Variants in CAMSAP1 observed in about 807,000 individuals in gnomAD.
CAMSAP1 encodes the protein calmodulin-regulated spectrin-associated protein 1.
Under a neutral mutation model 143.5 loss-of-function variants are expected in CAMSAP1, and 58 were observed. That is an observed-to-expected ratio of 0.40 (90% CI 0.33 to 0.50). CAMSAP1 has a LOEUF of 0.50. Among genes scored for constraint, CAMSAP1 ranks in the 20% least tolerant of loss-of-function variants. The pLI is 0.45. For missense variants in CAMSAP1, 1,969 were observed against 2,115.7 expected, an observed-to-expected ratio of 0.93 and a Z score of 1.36; for synonymous variants, 945 against 859.3, an observed-to-expected ratio of 1.10 and a Z score of -1.74.
intron 1 of CAMSAP1, among the ~76,000 whole-genome samples, chr9:135,893,654 G>A (rs980226342): frequency 1.3e-5 from 2 of 152,162 alleles, no homozygotes. Context: ...TATAATGGAT[G>A]AGAATCTTCC....
chr9:135,818,553 C>T lies in CAMSAP1; in HGVS notation c.4023G>A (p.Lys1341=), dbSNP rs1835326995. 6.2e-7 allele frequency: 1 copy of T among 1,613,120 alleles called. No individual in the cohort carries two copies. Among genetic ancestry groups the T allele is most frequent in the African/African-American group, 1.3e-5 (1 of 74,946 alleles). Residue 1341 remains lysine, a synonymous_variant, in exon 13 of 17, where the codon AAG becomes AAA. Transcript: ENST00000389532. This position sits in a 1 kb window ranked among gnomAD's most constrained non-coding sequence, Gnocchi z 7.7. ...EEEKARRELI[K]QEYLRRKQQQ... ...GCTGCTTCCTCCGCAGGTACTCCTG[C>T]TTGATGAGCTCGCGCCGCGCCTTCT...
chr9:135,876,676 C>T (rs1205929780), intron 3 of CAMSAP1, among the ~76,000 whole-genome samples: 1 of 152,176 alleles, frequency 6.6e-6, no homozygotes, highest in Admixed American at 6.5e-5. Flanking sequence ...ATACTTATCA[C>T]ATGACCCAGA....
At chr9:135,865,240 A>T in intron 4 of CAMSAP1, 1 of 1,253,404 alleles carries the variant, frequency 8.0e-7, no homozygotes. Context: ...CAACAAAAAA[A>T]CAGTTTTGGG....
chr9:135,878,207 G>A (rs560246605), intron 3 of CAMSAP1, among the ~76,000 whole-genome samples: 1 of 152,332 alleles, frequency 6.6e-6, no homozygotes, highest in Admixed American at 6.5e-5. Flanking sequence ...CGGGTGAGCG[G>A]CCTGGAGCAG....
Position 135,826,275 on chromosome 9 carries a change from A to G in CAMSAP1, c.1223+1132T>C, listed in dbSNP as rs10776851. On this transcript the variant is annotated intron_variant, in intron 8 of 16. Coordinates refer to ENST00000389532, the MANE Select transcript of CAMSAP1 (RefSeq NM_015447.4). This position sits in a 1 kb window ranked among gnomAD's most constrained non-coding sequence, Gnocchi z 4.4. ...GACGCCAAGTGTCCACGCTGGCCCC[A>G]TGTGAGGGACGGCTCAGCCTCGAGC... The G allele has an allele frequency of 0.89, 135,184 of 152,262 alleles. 60,067 individuals are homozygous for G. The highest frequency in any genetic ancestry group is 0.98 in the East Asian group (5,061 of 5,166). The allele number at this position is 152,262 out of a possible 1,614,324, so 9.4% of individuals were successfully genotyped here. A position where few individuals can be genotyped will look rare whatever the true frequency, so the allele number is the denominator to read the frequency against.
intron 4 of CAMSAP1, among the ~76,000 whole-genome samples, chr9:135,864,530 T>C (rs1837306902): frequency 6.6e-6 from 1 of 152,064 alleles, no homozygotes; most frequent in African/African-American, 2.4e-5. Context: ...GGAGTATGCA[T>C]AAAGCCCTCT....
chr9:135,848,958 G>C (rs1439935044), intron 7 of CAMSAP1, among the ~76,000 whole-genome samples: 1 of 152,246 alleles, frequency 6.6e-6, no homozygotes, highest in African/African-American at 2.4e-5. Context: ...CTCGCCAGCA[G>C]TGGTGAAAGG....
intron 5 of CAMSAP1, among the ~76,000 whole-genome samples, chr9:135,858,438 G>A (rs1227842416): frequency 6.6e-6 from 1 of 152,032 alleles, no homozygotes; most frequent in Non-Finnish European, 1.5e-5. Flanking sequence ...AGCAAAACAG[G>A]TAAAACCCTG....
Position 135,821,407 on chromosome 9 carries a change from G to C in CAMSAP1, c.3254C>G (p.Ala1085Gly), listed in dbSNP as rs1835453972. Reference protein sequence around the residue: ...FVEPLSPTGVAGHRKAPRLGQ... With the variant: ...FVEPLSPTGVGGHRKAPRLGQ... ...CAGCCGGGGGGCTTTGCGGTGGCCA[G>C]CCACGCCCGTGGGAGAGAGTGGCTC... Residue 1085 changes from alanine (A) to glycine (G), a missense_variant, in exon 11 of 17, where the codon GCT (alanine) becomes GGT (glycine). Around this residue, in one of 4 missense-constraint regions of CAMSAP1, gnomAD observed 1,390 missense variants for 1,420.8 expected, o/e 0.98. Transcript: ENST00000389532. This position sits in a 1 kb window ranked among gnomAD's most constrained non-coding sequence, Gnocchi z 4.6. 1.2e-6 allele frequency: 2 copies of C among 1,613,858 alleles called. No homozygotes were observed. The highest frequency in any genetic ancestry group is 2.7e-5 in the African/African-American group (2 of 74,956).
intron 5 of CAMSAP1, among the ~76,000 whole-genome samples, chr9:135,854,727 TAC>T (rs1362287495): frequency 1.3e-5 from 2 of 152,310 alleles, no homozygotes; most frequent in Middle Eastern, 3.4e-3. Context: ...GTGCTAGAAT[TAC>T]AGGCATGAGC....
intron 5 of CAMSAP1, among the ~76,000 whole-genome samples, chr9:135,855,894 T>C (rs993475264): frequency 4.7e-5 from 7 of 148,202 alleles, no homozygotes; most frequent in Admixed American, 4.0e-4. Context: ...CTACTAAAAA[T>C]ACAAAAAATT....
chr9:135,825,516 C>G (rs1835641296), intron 8 of CAMSAP1, among the ~76,000 whole-genome samples: 1 of 152,178 alleles, frequency 6.6e-6, no homozygotes, highest in Non-Finnish European at 1.5e-5. Context: ...CACACAGAAG[C>G]ATGGGTGTGA....
intron 7 of CAMSAP1, among the ~76,000 whole-genome samples, chr9:135,829,528 GA>G (rs1345995931): frequency 6.6e-6 from 1 of 151,360 alleles, no homozygotes; most frequent in Non-Finnish European, 1.5e-5. Context: ...TCTCAAAGAA[GA>G]AAAAAAGGTA....
chr9:135,836,336 C>A, intron 7 of CAMSAP1: 9 of 985,152 alleles, frequency 9.1e-6, no homozygotes, highest in Non-Finnish European at 1.1e-5. Context: ...GCGCCTTCTA[C>A]CCATTCCGCA....
chr9:135,822,367 A>G lies in CAMSAP1; in HGVS notation c.2294T>C (p.Ile765Thr), dbSNP rs771017985. ...EAHPVVFSRY[I>T]GEEESAKLQE... ...CAGTTTGGCCGACTCTTCCTCCCCA[A>G]TGTATCTGCTGAAAACCACAGGATG... is the stretch of plus-strand genomic sequence containing the variant. Residue 765 changes from isoleucine to threonine, a missense_variant, in exon 11 of 17, where the codon ATT (isoleucine) becomes ACT (threonine). By Grantham distance (89) the Ile-to-Thr change is moderately conservative. Transcript: ENST00000389532. The surrounding 1 kb of genome is among the most constrained non-coding windows in gnomAD (Gnocchi z 6.1). 7.1e-5 allele frequency: 114 copies of G among 1,613,674 alleles called. No individual in the cohort carries two copies. The highest frequency in any genetic ancestry group is 3.0e-4 in the Admixed American group (18 of 60,002).
At position 135,882,140 on chromosome 9, in the gene CAMSAP1, T is replaced by G. The variant is rs1837980066; in HGVS notation, c.424-346A>C. 6.6e-6 allele frequency among the ~76,000 whole-genome samples: 1 copy of G among 152,142 alleles called. No homozygotes were observed. Among genetic ancestry groups the G allele is most frequent in the Non-Finnish European group, 1.5e-5 (1 of 68,008 alleles). ...CGGTGCAGCTCCCAGGTCGTGGTTG[T>G]GGGAAGGCAGACAGGAGACCTGCCC... On this transcript the variant is annotated intron_variant, in intron 2 of 16. Coordinates refer to ENST00000389532, the MANE Select transcript of CAMSAP1 (RefSeq NM_015447.4). This position sits in a 1 kb window ranked among gnomAD's most constrained non-coding sequence, Gnocchi z 4.9.
intron 3 of CAMSAP1, among the ~76,000 whole-genome samples, chr9:135,875,948 A>C (rs1837733309): frequency 3.3e-5 from 5 of 152,162 alleles, no homozygotes; most frequent in South Asian, 4.1e-4. Flanking sequence ...GCTACAAAGA[A>C]AACTTTAAAA....
chr9:135,885,697 T>C (rs1838099587), intron 1 of CAMSAP1, among the ~76,000 whole-genome samples: 1 of 152,262 alleles, frequency 6.6e-6, no homozygotes, highest in Non-Finnish European at 1.5e-5. Flanking sequence ...TATAAAGTGA[T>C]TCATATAATC....
intron 3 of CAMSAP1, among the ~76,000 whole-genome samples, chr9:135,870,445 G>C (rs1048656064): frequency 6.6e-6 from 1 of 152,150 alleles, no homozygotes; most frequent in African/African-American, 2.4e-5. Context: ...GTCTTGGACA[G>C]TTCTTTAGGC....
Sources: allele counts gnomAD v4.1 joint callset (sites outside exome capture counted in the v4.1 genomes callset), GRCh38; gene constraint gnomAD v4.1.1; regional missense constraint gnomAD v4.1.1; non-coding constraint Gnocchi (gnomAD v3.1); transcripts MANE v1.5; gene names NCBI Gene and HGNC (gene_info 2026-07-23, HGNC 2026-07-21).